Variants in CDH23 observed in about 807,000 individuals in gnomAD.
The protein encoded by CDH23 is cadherin-23.
A neutral mutation model predicts 317.1 loss-of-function variants in CDH23; 189 were observed. That is an observed-to-expected ratio of 0.60 (90% confidence interval 0.53 to 0.67). CDH23 has a LOEUF of 0.67. Ranked by LOEUF, CDH23 falls within the 30% of genes least tolerant of loss-of-function variation. CDH23 has a pLI of 0.00. For missense variants in CDH23, 4,401 were observed against 4,592.4 expected (o/e 0.96, Z 1.20); for synonymous variants, 1,839 against 1,876.8 (o/e 0.98, Z 0.52).
intron 3 of CDH23, among the ~76,000 whole-genome samples, chr10:71,454,380 T>TC (rs1233330809): frequency 1.3e-5 from 2 of 152,236 alleles, no homozygotes; most frequent in Non-Finnish European, 2.9e-5. Context: ...AAACATATTT[T>TC]CGAAAGGAAA....
intron 1 of CDH23, among the ~76,000 whole-genome samples, chr10:71,419,946 T>G (rs2131944288): frequency 6.6e-6 from 1 of 152,300 alleles, no homozygotes; most frequent in East Asian, 1.9e-4. Context: ...GCTGAGCATG[T>G]CTCTCACCTG....
At position 71,709,228 on chromosome 10, in the gene CDH23, C is replaced by T; in HGVS notation, c.3220+17C>T. The T allele has an allele frequency of 2.5e-6, 4 of 1,597,220 alleles. No homozygotes were observed. The highest frequency in any genetic ancestry group is 3.4e-6 in the Non-Finnish European group (4 of 1,165,282). ...AGGCCATCGGTATGCACCAGTCCCG[C>T]ACCCACCAACACAGTGATCTGGGCA... On this transcript the variant is annotated intron_variant, in intron 27 of 69. Transcript: ENST00000224721.
chr10:71,731,755 G>T (rs1200433176), intron 31 of CDH23, among the ~76,000 whole-genome samples: 1 of 152,160 alleles, frequency 6.6e-6, no homozygotes, highest in Non-Finnish European at 1.5e-5. Flanking sequence ...CCTATCTCTG[G>T]TGCCAAGGCC....
At chr10:71,717,613 A>G (rs1866332787) in intron 28 of CDH23, 1 of 152,278 alleles carries the variant, frequency 6.6e-6, no homozygotes, top group African/African-American at 2.4e-5. Flanking sequence ...CCAGCAGATA[A>G]CACATGACCA....
chr10:71,660,068 C>A (rs1029268287), intron 14 of CDH23, among the ~76,000 whole-genome samples: 1 of 146,024 alleles, frequency 6.8e-6, no homozygotes, highest in Admixed American at 7.0e-5. Context: ...TCAAACGATT[C>A]TCCTGCCTCA....
chr10:71,505,040 G>A (rs1853557669), intron 3 of CDH23, among the ~76,000 whole-genome samples: 1 of 152,306 alleles, frequency 6.6e-6, no homozygotes, highest in Admixed American at 6.5e-5. Flanking sequence ...TAGTTCCAAT[G>A]TACCGTCTTA....
intron 3 of CDH23, among the ~76,000 whole-genome samples, chr10:71,499,591 G>A (rs1321702696): frequency 1.3e-5 from 2 of 151,608 alleles, no homozygotes; most frequent in African/African-American, 4.9e-5. Context: ...TGTAATCCCA[G>A]CACTTTGGGA....
chr10:71,574,503 G>C (rs1484536399), intron 8 of CDH23, among the ~76,000 whole-genome samples: 1 of 152,100 alleles, frequency 6.6e-6, no homozygotes, highest in Admixed American at 6.5e-5. Flanking sequence ...GCTCTCATCG[G>C]AAGTCCCCTT....
intron 1 of CDH23, among the ~76,000 whole-genome samples, chr10:71,436,247 G>A (rs1849612612): frequency 6.6e-6 from 1 of 152,260 alleles, no homozygotes; most frequent in Admixed American, 6.5e-5. Context: ...TCTGGGCACT[G>A]AGGCAGTCTG....
At chr10:71,450,288 C>T (rs1051436477) in intron 3 of CDH23, among the ~76,000 whole-genome samples, 27 of 128,620 alleles carry the variant, frequency 2.1e-4, no homozygotes, top group African/African-American at 4.4e-4. Context: ...TTTTTTGAGA[C>T]GGAGTCTCAC....
chr10:71,647,415 A>T (rs924220328), intron 14 of CDH23, among the ~76,000 whole-genome samples: 1 of 151,878 alleles, frequency 6.6e-6, no homozygotes, highest in Non-Finnish European at 1.5e-5. Flanking sequence ...GTGAGCCGAG[A>T]TTGTGTCACT....
chr10:71,625,407 A>G, intron 11 of CDH23, among the ~76,000 whole-genome samples: 1 of 134,640 alleles, frequency 7.4e-6, no homozygotes, highest in African/African-American at 2.8e-5. Flanking sequence ...AAAAAAAAAA[A>G]AAAAAAAAAA....
At chr10:71,713,112 G>T in intron 28 of CDH23, 1 of 773,874 alleles carries the variant, frequency 1.3e-6, no homozygotes, top group South Asian at 1.4e-5. Context: ...TCAGAGTAGC[G>T]GGGAGAAAGA....
chr10:71,465,465 C>A (rs554131579), intron 3 of CDH23, among the ~76,000 whole-genome samples: 1 of 152,232 alleles, frequency 6.6e-6, no homozygotes, highest in Non-Finnish European at 1.5e-5. Flanking sequence ...TCCCCAGGGT[C>A]GAGAGACTCC....
intron 11 of CDH23, among the ~76,000 whole-genome samples, chr10:71,629,214 G>A (rs1008582144): frequency 1.3e-5 from 2 of 152,210 alleles, no homozygotes; most frequent in African/African-American, 4.8e-5. Context: ...TTCCAAGGAT[G>A]GAAGACCAAA....
At chr10:71,414,736 T>C (rs1848468237) in intron 1 of CDH23, among the ~76,000 whole-genome samples, 1 of 152,226 alleles carries the variant, frequency 6.6e-6, no homozygotes, top group Non-Finnish European at 1.5e-5. Flanking sequence ...GTTCCTTCTT[T>C]TTCTGTTTGT....
chr10:71,673,915 C>A (rs1206052251), intron 14 of CDH23, among the ~76,000 whole-genome samples: 3 of 152,146 alleles, frequency 2.0e-5, no homozygotes, highest in Admixed American at 1.3e-4. Flanking sequence ...TGGCTCAGTG[C>A]CTTCCTTTCA....
chr10:71,705,449 TC>T (rs1326595567), intron 25 of CDH23, among the ~76,000 whole-genome samples: 1 of 152,138 alleles, frequency 6.6e-6, no homozygotes, highest in East Asian at 1.9e-4. Flanking sequence ...CCCGGGACCC[TC>T]AGGGTCATGA....
Position 71,566,855 on chromosome 10 carries a change from C to G in CDH23, c.543C>G (p.Asp181Glu). The part of the protein sequence containing the change: ...FQPPSQFFAI[D>E]SARGIVTVIR... ...CCCCCTCCCAATTCTTCGCCATTGA[C>G]AGCGCCCGCGGTATCGTCACAGTGA... Residue 181 changes from aspartate to glutamate, a missense_variant, in exon 7 of 70, where the codon GAC becomes GAG. Physicochemically the swap from Asp to Glu is conservative, Grantham distance 45 (BLOSUM62 2). Transcript: ENST00000224721. The G allele has an allele frequency of 6.2e-7, 1 of 1,614,004 alleles. No individual in the cohort carries two copies. The highest frequency in any genetic ancestry group is 1.1e-5 in the South Asian group (1 of 91,074).
Sources: gnomAD v4.1 joint callset for allele counts (sites outside exome capture counted in the v4.1 genomes callset) on GRCh38, gnomAD v4.1.1 for gene constraint, MANE v1.5 for transcripts, NCBI Gene and HGNC (gene_info 2026-07-23, HGNC 2026-07-21) for gene names.